LRP1B: variants seen among roughly 807,000 people sequenced by gnomAD.
The protein encoded by LRP1B is LDL receptor related protein 1B, also known as low-density lipoprotein receptor-related protein 1B.
In LRP1B, 217 loss-of-function variants were observed where a neutral mutation model predicts 556.6. The ratio of observed to expected loss-of-function variants is 0.39; its 90% CI spans 0.35 to 0.44. LRP1B has a LOEUF of 0.44. LRP1B is among the 20% of genes least tolerant of loss of function. The pLI is 1.00. For missense variants in LRP1B, 5,053 were observed against 5,620.8 expected (o/e 0.90, Z 3.23); for synonymous variants, 2,047 against 1,865.8 (o/e 1.10, Z -2.50).
At position 142,101,131 on chromosome 2, in the gene LRP1B, T is replaced by C. The variant is rs764034073; in HGVS notation, c.82+29517A>G. ...GCTAACAGGCTGCAGAGTTTGTACA[T>C]AAAGGAATAAAGGATCAACTGTAGG... is the stretch of plus-strand genomic sequence containing the variant. On this transcript the variant is annotated intron_variant, in intron 1 of 90. Coordinates refer to ENST00000389484, the MANE Select transcript of LRP1B (RefSeq NM_018557.3). Among the ~76,000 whole-genome samples the C allele has an allele frequency of 5.1e-4, 77 of 151,982 alleles. 1 individual carries two copies. The highest frequency in any genetic ancestry group is 5.9e-4 in the Admixed American group (9 of 15,198).
intron 6 of LRP1B, among the ~76,000 whole-genome samples, chr2:141,210,590 A>C (rs1246323887): frequency 6.6e-6 from 1 of 152,194 alleles, no homozygotes; most frequent in African/African-American, 2.4e-5. Flanking sequence ...AACCTGATAA[A>C]TTTCATGTTG....
At chr2:141,208,819 A>C (rs1013900692) in intron 6 of LRP1B, among the ~76,000 whole-genome samples, 3 of 131,526 alleles carry the variant, frequency 2.3e-5, no homozygotes, top group Non-Finnish European at 1.6e-5. Flanking sequence ...CAGTGAGCTG[A>C]GATCACGCCG....
intron 2 of LRP1B, among the ~76,000 whole-genome samples, chr2:141,702,598 G>A (rs888206317): frequency 1.3e-5 from 2 of 151,842 alleles, no homozygotes; most frequent in African/African-American, 2.4e-5. Context: ...TGGGGACATT[G>A]ATAAAAAATT....
chr2:140,501,557 G>A (rs974595919), intron 55 of LRP1B, 130 bp downstream of exon 55: 10 of 524,506 alleles, frequency 1.9e-5, no homozygotes, highest in Admixed American at 7.8e-5. Context: ...TCTTCATATC[G>A]ACACTCTCCA....
chr2:140,886,381 T>C (rs1450805928), intron 23 of LRP1B, 46 bp from the exon 24 acceptor site: 5 of 1,041,164 alleles, frequency 4.8e-6, no homozygotes, highest in Middle Eastern at 5.4e-4. Flanking sequence ...ATGTAAACTC[T>C]GGTAATGAAA....
intron 3 of LRP1B, among the ~76,000 whole-genome samples, chr2:141,318,445 G>C (rs1253197320): frequency 6.6e-6 from 1 of 152,110 alleles, no homozygotes; most frequent in Non-Finnish European, 1.5e-5. Context: ...CTTTAAGTAT[G>C]GAAATTTTTT....
rs202221349 is a variant in LRP1B at position 140,769,301 on chromosome 2, C to A, written c.5670G>T (p.Arg1890Ser). ...FLMYSVHEGI[R>S]GIPLEPSDKM... Reference sequence around the variant, plus strand: ...TGTCACTTGGTTCAAGAGGTATTCCCCTGATTCCTTCATGAACAGAGTACA... The same window carrying A: ...TGTCACTTGGTTCAAGAGGTATTCCACTGATTCCTTCATGAACAGAGTACA... Residue 1890 changes from arginine to serine, a missense_variant, in exon 35 of 91, where the codon AGG becomes AGT. Arg to Ser is a moderately radical substitution (Grantham distance 110, BLOSUM62 -1). This residue lies in a region of LRP1B where 3,619 missense variants were observed against 3,931.9 expected (regional missense o/e 0.92). Coordinates refer to ENST00000389484, the MANE Select transcript of LRP1B (RefSeq NM_018557.3). 6.2e-7 allele frequency: 1 copy of A among 1,611,926 alleles called. No individual in the cohort carries two copies. The highest frequency in any genetic ancestry group is 8.5e-7 in the Non-Finnish European group (1 of 1,178,496).
intron 2 of LRP1B, among the ~76,000 whole-genome samples, chr2:141,573,753 G>T (rs1686625797): frequency 6.6e-6 from 1 of 151,630 alleles, no homozygotes; most frequent in African/African-American, 2.4e-5. Context: ...AATAAAAAAT[G>T]ATAAAAGGGA....
rs377179891 is a variant in LRP1B, at chr2:141,705,726, G to A, written c.205+104553C>T. ...AGCTGCAAAGGCCTAAGGAATTGAA[G>A]TGTCTCTTGCTAGTATTCCAATGAT... On this transcript the variant is annotated intron_variant, in intron 2 of 90. Coordinates refer to ENST00000389484, the MANE Select transcript of LRP1B (RefSeq NM_018557.3). Among the ~76,000 whole-genome samples the A allele has an allele frequency of 5.3e-5, 8 of 152,120 alleles. No homozygotes were observed. In the East Asian group the frequency reaches 9.7e-4, roughly 18 times the overall value.
At chr2:140,841,849 G>T (rs893268450) in intron 29 of LRP1B, among the ~76,000 whole-genome samples, 7 of 152,112 alleles carry the variant, frequency 4.6e-5, no homozygotes, top group African/African-American at 1.7e-4. Context: ...GTGTTATAAA[G>T]GATAAATGCA....
In LRP1B at chr2:141,929,483, T is replaced by A. The variant is rs191017408; in HGVS notation, c.83-119082A>T. Among the ~76,000 whole-genome samples the A allele has an allele frequency of 2.8e-3, 425 of 152,156 alleles. 3 individuals are homozygous for A. The highest frequency in any genetic ancestry group is 4.5e-3 in the Non-Finnish European group (306 of 67,962). On this transcript the variant is annotated intron_variant, in intron 1 of 90. Coordinates refer to ENST00000389484, the MANE Select transcript of LRP1B (RefSeq NM_018557.3). The stretch of plus-strand genomic sequence containing the variant: ...TTTTTTCAGATTGAACCATTTTTTT[T>A]AAAAGACAGAAGCACAACCACAACA...
Position 141,970,494 on chromosome 2 carries a change from C to T in LRP1B, c.83-160093G>A, listed in dbSNP as rs546514715. Among the ~76,000 whole-genome samples the T allele has an allele frequency of 9.2e-5, 14 of 151,520 alleles. 1 individual carries two copies. In the South Asian group the frequency reaches 2.1e-3, roughly 22 times the overall value. ...TGGTAATTCTGTTACAGGAATATCA[C>T]AATTCCTAGTAACAATTCATTTAAT... On this transcript the variant is annotated intron_variant, in intron 1 of 90. Transcript: ENST00000389484.
intron 33 of LRP1B, 114 bp from the exon 34 acceptor site, chr2:140,771,120 GT>G (rs1198021822): frequency 1.2e-5 from 8 of 652,004 alleles, no homozygotes; most frequent in African/African-American, 3.9e-5. Context: ...AAATGCAGCT[GT>G]TTCATACTGG....
At chr2:141,676,215 C>G (rs1181469270) in intron 2 of LRP1B, among the ~76,000 whole-genome samples, 1 of 152,008 alleles carries the variant, frequency 6.6e-6, no homozygotes, top group African/African-American at 2.4e-5. Context: ...TTGAGGGACA[C>G]AGAGGCAGGA....
chr2:140,860,072 A>G (rs1404084302), intron 27 of LRP1B, among the ~76,000 whole-genome samples: 1 of 152,210 alleles, frequency 6.6e-6, no homozygotes, highest in Non-Finnish European at 1.5e-5. Context: ...TGAGAAGGTA[A>G]AAAAGACTCA....
intron 2 of LRP1B, among the ~76,000 whole-genome samples, chr2:141,762,031 C>T (rs1197556816): frequency 6.6e-6 from 1 of 151,936 alleles, no homozygotes; most frequent in African/African-American, 2.4e-5. Flanking sequence ...ATCTTTTCTT[C>T]ATGTCTAAAA....
intron 77 of LRP1B, among the ~76,000 whole-genome samples, chr2:140,349,966 G>C (rs1031141716): frequency 2.6e-5 from 4 of 152,108 alleles, no homozygotes; most frequent in Non-Finnish European, 5.9e-5. Flanking sequence ...AAGTGTTTAT[G>C]GTAGATGCTA....
chr2:141,473,514 C>G (rs1254203274), intron 3 of LRP1B, among the ~76,000 whole-genome samples: 1 of 152,128 alleles, frequency 6.6e-6, no homozygotes, highest in Non-Finnish European at 1.5e-5. Context: ...AACTCAGTTA[C>G]TTAAACTAAT....
intron 41 of LRP1B, among the ~76,000 whole-genome samples, chr2:140,693,721 G>T (rs1270479405): frequency 2.7e-5 from 4 of 150,688 alleles, no homozygotes; most frequent in Non-Finnish European, 5.9e-5. Context: ...TGGGTGGCGG[G>T]GGGGCGTGGA....
Sources: allele counts gnomAD v4.1 joint callset (sites outside exome capture counted in the v4.1 genomes callset), GRCh38; gene constraint gnomAD v4.1.1; regional missense constraint gnomAD v4.1.1; transcripts MANE v1.5; gene names NCBI Gene and HGNC (gene_info 2026-07-23, HGNC 2026-07-21).